EPHA5: variants seen among roughly 807,000 people sequenced by gnomAD.
EPHA5 encodes EPH receptor A5, also known as ephrin type-A receptor 5.
A neutral mutation model predicts 105.0 loss-of-function variants in EPHA5; 60 were observed. That is an observed-to-expected ratio of 0.57 (90% confidence interval 0.46 to 0.71). The LOEUF is 0.71. Among genes scored for constraint, EPHA5 ranks in the 30% least tolerant of loss-of-function variants. The pLI is 0.00. For synonymous variants in EPHA5, 513 were observed against 449.1 expected, an observed-to-expected ratio of 1.14 and a Z score of -1.80; for missense variants, 1,218 against 1,274.7, an observed-to-expected ratio of 0.96 and a Z score of 0.68.
chr4:65,638,718 A>C (rs1747380356), intron 2 of EPHA5, among the ~76,000 whole-genome samples: 1 of 152,156 alleles, frequency 6.6e-6, no homozygotes, highest in African/African-American at 2.4e-5. Context: ...CAGCCTGGGC[A>C]ACAAGAGTGA....
At chr4:65,597,145 T>C (rs1356342694) in intron 3 of EPHA5, among the ~76,000 whole-genome samples, 1 of 152,210 alleles carries the variant, frequency 6.6e-6, no homozygotes, top group African/African-American at 2.4e-5. Flanking sequence ...TTATCCCGTA[T>C]TTTAGCATGT....
At chr4:65,367,980 T>G (rs893772587) in intron 8 of EPHA5, among the ~76,000 whole-genome samples, 1 of 152,058 alleles carries the variant, frequency 6.6e-6, no homozygotes, top group Admixed American at 6.6e-5. Context: ...TTCAAACCTT[T>G]GTCTCTCTTC....
At chr4:65,590,105 TA>T (rs1742493462) in intron 3 of EPHA5, among the ~76,000 whole-genome samples, 1 of 152,152 alleles carries the variant, frequency 6.6e-6, no homozygotes, top group African/African-American at 2.4e-5. Context: ...TTCCATCAAA[TA>T]AATGGAGTTA....
At chr4:65,531,051 G>C (rs1241506877) in intron 3 of EPHA5, among the ~76,000 whole-genome samples, 1 of 144,506 alleles carries the variant, frequency 6.9e-6, no homozygotes, top group Non-Finnish European at 1.5e-5. Context: ...ATTTTTTTGA[G>C]ACGGAGTCTC....
intron 3 of EPHA5, among the ~76,000 whole-genome samples, chr4:65,592,840 G>T (rs1742803660): frequency 6.6e-6 from 1 of 152,094 alleles, no homozygotes; most frequent in Admixed American, 6.6e-5. Context: ...CGACAACAAC[G>T]CTGCTTAAAA....
At chr4:65,638,432 T>C (rs1030656827) in intron 2 of EPHA5, among the ~76,000 whole-genome samples, 3 of 152,116 alleles carry the variant, frequency 2.0e-5, no homozygotes, top group Non-Finnish European at 4.4e-5. Context: ...AATTCATAAT[T>C]TACATGATAT....
chr4:65,498,219 G>A lies in EPHA5; in HGVS notation c.911-2676C>T, dbSNP rs28658466. Among the ~76,000 whole-genome samples the A allele has an allele frequency of 7.5e-3, 1,133 of 152,032 alleles. 18 individuals carry two copies. The highest frequency in any genetic ancestry group is 0.026 in the African/African-American group (1,091 of 41,528). Reference sequence around the variant, plus strand: ...TGATCAAGAAGATAGTCAGAATAAAGTGGAAGAGTCAAGTTTATACAGGAC... The same window carrying A: ...TGATCAAGAAGATAGTCAGAATAAAATGGAAGAGTCAAGTTTATACAGGAC... On this transcript the variant is annotated intron_variant, in intron 3 of 16. Transcript: ENST00000613740.
intron 3 of EPHA5, among the ~76,000 whole-genome samples, chr4:65,516,496 A>G (rs955888679): frequency 1.3e-5 from 2 of 152,022 alleles, no homozygotes; most frequent in African/African-American, 4.8e-5. Context: ...AGCTCCAAGT[A>G]TAAATTTATC....
intron 8 of EPHA5, among the ~76,000 whole-genome samples, chr4:65,370,639 A>C (rs149140111): frequency 3.3e-5 from 5 of 152,128 alleles, no homozygotes; most frequent in African/African-American, 1.2e-4. Context: ...AAATTACATG[A>C]AATTTCCTGG....
intron 3 of EPHA5, among the ~76,000 whole-genome samples, chr4:65,497,199 C>T (rs1346232160): frequency 6.6e-6 from 1 of 152,052 alleles, no homozygotes; most frequent in Non-Finnish European, 1.5e-5. Context: ...CAAAGGTGAA[C>T]TTGTATTTCA....
At position 65,332,002 on chromosome 4, in the gene EPHA5, T is replaced by C; in HGVS notation, c.2916A>G (p.Ser972=). Reference sequence around the variant, plus strand: ...AGGTCACCTGAGCCACAGCGTCCATTGAACTGTATCCATTTTCCATGAAAA... The same window carrying C: ...AGGTCACCTGAGCCACAGCGTCCATCGAACTGTATCCATTTTCCATGAAAA... The part of the protein sequence containing the change: ...TEIFMENGYS[S]MDAVAQVTLE... The change falls in exon 16 of 17, where the codon TCA becomes TCG. Residue 972 remains serine (S), a synonymous_variant. Transcript: ENST00000613740. The C allele has an allele frequency of 6.2e-7, 1 of 1,610,858 alleles. No individual in the cohort carries two copies. Among genetic ancestry groups the C allele is most frequent in the Non-Finnish European group, 8.5e-7 (1 of 1,178,282 alleles).
intron 8 of EPHA5, among the ~76,000 whole-genome samples, chr4:65,403,856 A>C (rs1026860032): frequency 1.3e-5 from 2 of 152,142 alleles, no homozygotes; most frequent in Non-Finnish European, 2.9e-5. Flanking sequence ...AATCACTTAG[A>C]AGCTGAAAAT....
intron 5 of EPHA5, among the ~76,000 whole-genome samples, chr4:65,472,298 C>T (rs1356629308): frequency 1.3e-5 from 2 of 152,136 alleles, no homozygotes; most frequent in Admixed American, 6.5e-5. Flanking sequence ...CATGGGTTGG[C>T]ATTGAGTGCC....
intron 9 of EPHA5, among the ~76,000 whole-genome samples, chr4:65,366,486 T>A (rs1456673345): frequency 6.6e-6 from 1 of 151,930 alleles, no homozygotes; most frequent in East Asian, 1.9e-4. Flanking sequence ...TTTCTGGTGC[T>A]ATGGTGCAAA....
intron 16 of EPHA5, among the ~76,000 whole-genome samples, chr4:65,325,995 C>A (rs2148782699): frequency 6.7e-6 from 1 of 148,396 alleles, no homozygotes; most frequent in Non-Finnish European, 1.5e-5. Flanking sequence ...GGTTGAGAAT[C>A]ATTGAGATAT....
At chr4:65,548,530 GAAATTTTCACACT>G (rs1198436207) in intron 3 of EPHA5, among the ~76,000 whole-genome samples, 2 of 152,006 alleles carry the variant, frequency 1.3e-5, no homozygotes, top group Non-Finnish European at 2.9e-5. Context: ...TAATGGCTGA[GAAATTTTCACACT>G]TGATGAAAGA....
At chr4:65,578,058 A>G (rs1192962498) in intron 3 of EPHA5, among the ~76,000 whole-genome samples, 2 of 152,190 alleles carry the variant, frequency 1.3e-5, no homozygotes, top group African/African-American at 4.8e-5. Flanking sequence ...AAAATAAGCT[A>G]CTTCTTGGGA....
At chr4:65,564,224 C>T (rs558913901) in intron 3 of EPHA5, among the ~76,000 whole-genome samples, 3 of 151,916 alleles carry the variant, frequency 2.0e-5, no homozygotes, top group African/African-American at 7.2e-5. Flanking sequence ...CACATAGACA[C>T]CAACATTAGT....
chr4:65,401,754 T>C (rs372713606), intron 8 of EPHA5, among the ~76,000 whole-genome samples: 3 of 152,106 alleles, frequency 2.0e-5, no homozygotes, highest in Non-Finnish European at 4.4e-5. Flanking sequence ...TGTTCAAAAA[T>C]TTTTTTACCA....
Sources: allele counts gnomAD v4.1 joint callset (sites outside exome capture counted in the v4.1 genomes callset), GRCh38; gene constraint gnomAD v4.1.1; transcripts MANE v1.5; gene names NCBI Gene and HGNC (gene_info 2026-07-23, HGNC 2026-07-21).